The following CTSE variants were observed in gnomAD, a reference collection of about 807,000 sequenced individuals.
CTSE encodes the protein erythrocyte membrane aspartic proteinase.
CTSE carries 43 observed loss-of-function variants against 42.8 expected under a neutral mutation model. The ratio of observed to expected loss-of-function variants is 1.01; its 90% CI spans 0.79 to 1.30. The LOEUF is 1.30. CTSE is among the 50% of genes most tolerant of loss of function. CTSE has a pLI of 0.00. For missense variants in CTSE, 532 were observed against 493.5 expected (o/e 1.08, Z -0.74); for synonymous variants, 205 against 191.5 (o/e 1.07, Z -0.58).
rs116377472 is a variant in CTSE, at chr1:206,013,581, G to A, written c.785+191C>T. ...AAAGCACGCCATGTGTACAAGGAAGGAAGCTGTGTCTGCTGCCCTGGTTAC... is the reference window on the plus strand; with the variant it reads ...AAAGCACGCCATGTGTACAAGGAAGAAAGCTGTGTCTGCTGCCCTGGTTAC... On this transcript the variant is annotated intron_variant, in intron 6 of 8. Coordinates refer to ENST00000358184, the MANE Select transcript of CTSE (RefSeq NM_001910.4). Among the ~76,000 whole-genome samples the A allele has an allele frequency of 4.8e-3, 726 of 152,102 alleles. 7 individuals are homozygous for A. The highest frequency in any genetic ancestry group is 7.1e-3 in the Non-Finnish European group (483 of 67,988).
Position 206,023,706 on chromosome 1 carries a change from G to C in CTSE, c.68+18C>G. The stretch of plus-strand genomic sequence containing the variant: ...ATGGGACTACCCAGCTGAACACAGT[G>C]CGGGGACGTCTTCTCACCTGTGAAG... On this transcript the variant is annotated intron_variant, in intron 1 of 8. Transcript: ENST00000358184. 6.2e-7 allele frequency: 1 copy of C among 1,611,566 alleles called. No homozygotes were observed. Among genetic ancestry groups the C allele is most frequent in the Non-Finnish European group, 8.5e-7 (1 of 1,177,794 alleles).
intron 4 of CTSE, among the ~76,000 whole-genome samples, chr1:206,017,728 C>T (rs1553277845): frequency 2.6e-5 from 4 of 152,016 alleles, no homozygotes; most frequent in African/African-American, 4.8e-5. Context: ...CCACCTGCCT[C>T]GGCCTCCCAA....
chr1:206,010,066 G>A lies in CTSE; in HGVS notation c.*117C>T. 1.6e-6 allele frequency: 2 copies of A among 1,258,786 alleles called. No homozygotes were observed. The highest frequency in any genetic ancestry group is 2.3e-6 in the Non-Finnish European group (2 of 874,488). 78.0% of individuals were successfully genotyped at this position (1,258,786 alleles called of 1,614,324 possible). On this transcript the variant is annotated 3_prime_UTR_variant, in exon 9 of 9. Coordinates refer to ENST00000358184, the MANE Select transcript of CTSE (RefSeq NM_001910.4). Reference sequence around the variant, plus strand: ...GTTCTGTTTGGTCTTAATTCAAGTTGCAACCCTGGAAACAGCTACATTCTC... The same window carrying A: ...GTTCTGTTTGGTCTTAATTCAAGTTACAACCCTGGAAACAGCTACATTCTC...
At position 206,010,233 on chromosome 1, in the gene CTSE, C is replaced by T. The variant is rs1553276735; in HGVS notation, c.1141G>A (p.Val381Ile). The T allele has an allele frequency of 8.7e-6, 14 of 1,613,756 alleles. No homozygotes were observed. The highest frequency in any genetic ancestry group is 1.1e-5 in the Non-Finnish European group (13 of 1,179,790). Reference sequence around the variant, plus strand: ...ACACGGTTATTCCCACGGTCAAAGACTGAGTAAAACTGTCGAATGAAGACA... The same window carrying T: ...ACACGGTTATTCCCACGGTCAAAGATTGAGTAAAACTGTCGAATGAAGACA... ...GDVFIRQFYS[V>I]FDRGNNRVGL... The change falls in exon 9 of 9, where the codon GTC becomes ATC. Residue 381 changes from valine to isoleucine, a missense_variant. Val to Ile is a conservative substitution (Grantham distance 29). Transcript: ENST00000358184.
intron 8 of CTSE, among the ~76,000 whole-genome samples, chr1:206,011,362 G>A (rs1231783418): frequency 2.0e-5 from 3 of 151,994 alleles, no homozygotes; most frequent in Non-Finnish European, 4.4e-5. Flanking sequence ...CCTGGGCAGG[G>A]ACTCAACTCA....
intron 5 of CTSE, among the ~76,000 whole-genome samples, chr1:206,015,305 C>T (rs1361748761): frequency 2.0e-5 from 3 of 152,070 alleles, no homozygotes; most frequent in African/African-American, 4.8e-5. Context: ...CTTCCCCTCC[C>T]CAGGCTCTGG....
Position 206,010,404 on chromosome 1 carries a change from G to T in CTSE, c.1027-57C>A, listed in dbSNP as rs540076530. ...AACGGGGGAAGAAGGTAGTAGTACT[G>T]CCTGGAGGCTGCCTGTGTGGTGGTG... On this transcript the variant is annotated intron_variant, in intron 8 of 8. Coordinates refer to ENST00000358184, the MANE Select transcript of CTSE (RefSeq NM_001910.4). 578 of 1,446,136 alleles carry T rather than the reference G, an allele frequency of 4.0e-4. 4 individuals carry two copies. The highest frequency in any genetic ancestry group is 2.5e-3 in the Middle Eastern group (11 of 4,320). The allele number at this position is 1,446,136 out of a possible 1,614,324, so 89.6% of individuals were successfully genotyped here. A position where few individuals can be genotyped will look rare whatever the true frequency, so the allele number is the denominator to read the frequency against.
intron 1 of CTSE, 147 bp from the exon 2 acceptor site, chr1:206,023,204 A>G (rs1467451419): frequency 2.3e-5 from 19 of 827,444 alleles, no homozygotes; most frequent in Non-Finnish European, 3.4e-5. Flanking sequence ...AGGTGGGATC[A>G]GCGTCCTCTC....
At chr1:206,023,146 A>T in intron 1 of CTSE, 89 bp from the exon 2 acceptor site, 3 of 548,630 alleles carry the variant, frequency 5.5e-6, no homozygotes, top group Non-Finnish European at 9.9e-6. Flanking sequence ...GGCCAACTAG[A>T]GAAGATGGGG....
In CTSE at chr1:206,021,127, G is replaced by C. The variant is rs782640177; in HGVS notation, c.384C>G (p.Tyr128Ter). The change falls in exon 4 of 9, where the codon TAC becomes TAG. Residue 128 changes from tyrosine to a stop codon, truncating the protein, a stop_gained. Coordinates refer to ENST00000358184, the MANE Select transcript of CTSE (RefSeq NM_001910.4). LOFTEE classifies it high-confidence loss of function. ...SRFQPSQSST[Y>*]SQPGQSFSIQ... The stretch of plus-strand genomic sequence containing the variant: ...TGGAGAAAGATTGACCTGGCTGGCT[G>C]TATGTGCTGGACTGGGAAGGCTGGA... 1 of 1,613,720 alleles carries C rather than the reference G, an allele frequency of 6.2e-7. No individual in the cohort carries two copies. Among genetic ancestry groups the C allele is most frequent in the African/African-American group, 1.3e-5 (1 of 75,018 alleles).
At chr1:206,011,555 G>T (rs1315723810) in intron 8 of CTSE, among the ~76,000 whole-genome samples, 2 of 152,038 alleles carry the variant, frequency 1.3e-5, no homozygotes, top group African/African-American at 2.4e-5. Flanking sequence ...GCAAACATTT[G>T]TTTTTATTTG....
intron 6 of CTSE, among the ~76,000 whole-genome samples, chr1:206,012,956 A>G (rs954959231): frequency 6.6e-6 from 1 of 152,000 alleles, no homozygotes; most frequent in Admixed American, 6.6e-5. Flanking sequence ...GGCCTCCCAA[A>G]GTCCTGGGAT....
Position 206,013,812 on chromosome 1 carries a change from G to A in CTSE, c.745C>T (p.Pro249Ser). 3 of 1,613,750 alleles carry A rather than the reference G, an allele frequency of 1.9e-6. No homozygotes were observed. The highest frequency in any genetic ancestry group is 2.5e-6 in the Non-Finnish European group (3 of 1,179,846). Residue 249 changes from proline to serine, a missense_variant, in exon 6 of 9, where the codon CCA (proline) becomes TCA (serine). Transcript: ENST00000358184. ...SHFSGSLNWVPVTKQAYWQIA... is the reference protein window; with the variant it reads ...SHFSGSLNWVSVTKQAYWQIA... ...TGCCAGTAAGCTTGCTTGGTGACTG[G>A]GACCCAATTCAGGCTCCCAGAGAAA...
intron 8 of CTSE, 57 bp from the exon 9 acceptor site, chr1:206,010,404 G>A: frequency 2.8e-6 from 4 of 1,446,124 alleles, no homozygotes; most frequent in Non-Finnish European, 3.9e-6. Context: ...TAGTAGTACT[G>A]CCTGGAGGCT....
chr1:206,018,545 G>T (rs544741685), intron 4 of CTSE, among the ~76,000 whole-genome samples: 1 of 151,850 alleles, frequency 6.6e-6, no homozygotes, highest in Non-Finnish European at 1.5e-5. Flanking sequence ...GCTTTTCTTC[G>T]TGGAGTTTTC....
At chr1:206,023,113 C>G (rs1190064335) in intron 1 of CTSE, 56 bp from the exon 2 acceptor site, 9 of 1,366,406 alleles carry the variant, frequency 6.6e-6, no homozygotes, top group East Asian at 3.7e-5. Flanking sequence ...CTCTTCCCCC[C>G]ATTCTCGTCC....
At chr1:206,012,267 G>A (rs782120190) in intron 8 of CTSE, 41 bp downstream of exon 8, 1 of 1,530,030 alleles carries the variant, frequency 6.5e-7, no homozygotes, top group South Asian at 1.1e-5. Context: ...AGGCATGTGG[G>A]GAGGGCCCTG....
intron 2 of CTSE, 84 bp downstream of exon 2, chr1:206,022,817 A>T: frequency 7.8e-7 from 1 of 1,275,888 alleles, no homozygotes; most frequent in Non-Finnish European, 1.1e-6. Flanking sequence ...CTTCGGTGCT[A>T]CTGATGTGGC....
chr1:206,020,919 C>A, intron 4 of CTSE, 130 bp downstream of exon 4: 1 of 681,364 alleles, frequency 1.5e-6, no homozygotes, highest in Non-Finnish European at 2.6e-6. Flanking sequence ...GTGTTGCTTG[C>A]CCTTTCTCCT....
Sources: allele counts gnomAD v4.1 joint callset (sites outside exome capture counted in the v4.1 genomes callset), GRCh38; gene constraint gnomAD v4.1.1; transcripts MANE v1.5; gene names NCBI Gene and HGNC (gene_info 2026-07-23, HGNC 2026-07-21).